CDH6: variants seen among roughly 807,000 people sequenced by gnomAD.
CDH6 encodes cadherin-6.
Under a neutral mutation model 78.0 loss-of-function variants are expected in CDH6, and 31 were observed. The observed-to-expected ratio is 0.40, with a 90% CI of 0.30 to 0.54. The LOEUF is 0.54. CDH6 is among the 20% of genes least tolerant of loss of function. The pLI is 0.56. For missense variants in CDH6, 724 were observed against 975.9 expected (o/e 0.74, Z 3.44); for synonymous variants, 376 against 368.8 (o/e 1.02, Z -0.23).
In CDH6 at chr5:31,312,152, T is replaced by C. The variant is rs147726165; in HGVS notation, c.1254-1166T>C. On this transcript the variant is annotated intron_variant, in intron 7 of 11. Coordinates refer to ENST00000265071, the MANE Select transcript of CDH6 (RefSeq NM_004932.4). ...TTTTTCTTCCTCCACTGGACATTGT[T>C]TTCTTAGACAGCTGAATAGGAAATC... 3.3e-5 allele frequency among the ~76,000 whole-genome samples: 5 copies of C among 152,318 alleles called. No homozygotes were observed. In the East Asian group the frequency reaches 9.6e-4, roughly 29 times the overall value.
intron 2 of CDH6, among the ~76,000 whole-genome samples, chr5:31,292,121 A>G (rs1233990877): frequency 6.6e-6 from 1 of 152,190 alleles, no homozygotes; most frequent in Non-Finnish European, 1.5e-5. Context: ...TTGGAAACAT[A>G]GCACGCACCG....
rs1738524761 is a variant in CDH6 at position 31,323,263 on chromosome 5, G to A, written c.2328G>A (p.Lys776=). The A allele has an allele frequency of 1.2e-6, 2 of 1,614,106 alleles. No individual in the cohort carries two copies. The highest frequency in any genetic ancestry group is 4.5e-5 in the East Asian group (2 of 44,880). Residue 776 remains lysine, a synonymous_variant, in exon 12 of 12, where the codon AAG becomes AAA. Coordinates refer to ENST00000265071, the MANE Select transcript of CDH6 (RefSeq NM_004932.4). ...YLSDWGPRFK[K]LADMYGGVDS... Reference sequence around the variant, plus strand: ...GTGACTGGGGACCTCGATTCAAAAAGCTTGCAGATATGTATGGAGGAGTGG... The same window carrying A: ...GTGACTGGGGACCTCGATTCAAAAAACTTGCAGATATGTATGGAGGAGTGG...
intron 6 of CDH6, among the ~76,000 whole-genome samples, chr5:31,304,203 C>G (rs1277094130): frequency 6.6e-6 from 1 of 151,932 alleles, no homozygotes; most frequent in African/African-American, 2.4e-5. Flanking sequence ...AAACTTTAAT[C>G]TGTGTTGTCT....
chr5:31,316,089 G>A (rs1723475431), intron 8 of CDH6, 119 bp from the exon 9 acceptor site: 2 of 1,092,384 alleles, frequency 1.8e-6, no homozygotes, highest in Middle Eastern at 2.1e-4. Context: ...ATGCCCAGTA[G>A]TACAGCAGCT....
At chr5:31,257,318 A>G (rs1211163345) in intron 1 of CDH6, among the ~76,000 whole-genome samples, 2 of 152,076 alleles carry the variant, frequency 1.3e-5, no homozygotes, top group Non-Finnish European at 2.9e-5. Flanking sequence ...GCCCGCCACC[A>G]CGCTCGGCTA....
At chr5:31,268,030 G>A (rs1467513218) in intron 2 of CDH6, among the ~76,000 whole-genome samples, 1 of 152,078 alleles carries the variant, frequency 6.6e-6, no homozygotes, top group Non-Finnish European at 1.5e-5. Flanking sequence ...ATTAAAAATC[G>A]GAATGGAGAG....
chr5:31,294,220 G>T lies in CDH6; in HGVS notation c.487G>T (p.Val163Phe), dbSNP rs746643442. The T allele has an allele frequency of 3.1e-6, 5 of 1,613,812 alleles. No homozygotes were observed. The highest frequency in any genetic ancestry group is 3.4e-6 in the Non-Finnish European group (4 of 1,179,866). The change falls in exon 3 of 12, where the codon GTT becomes TTT. Residue 163 changes from valine to phenylalanine, a missense_variant. Physicochemically the swap from Val to Phe is conservative, Grantham distance 50 (BLOSUM62 -1). Coordinates refer to ENST00000265071, the MANE Select transcript of CDH6 (RefSeq NM_004932.4). This position sits in a 1 kb window ranked among gnomAD's most constrained non-coding sequence, Gnocchi z 4.1. The stretch of plus-strand genomic sequence containing the variant: ...CAATGAACCAATATTCACCAAGGAG[G>T]TTTACACAGCCACTGTCCCTGAAAT... ...NDNEPIFTKE[V>F]YTATVPEMSD...
intron 2 of CDH6, among the ~76,000 whole-genome samples, chr5:31,292,844 TATGTGTGC>T (rs1287207402): frequency 7.4e-5 from 1 of 13,580 alleles, no homozygotes; most frequent in Admixed American, 5.9e-4. Context: ...TATATATATA[TATGTGTGC>T]ATATATATAT....
chr5:31,203,233 CT>C lies in CDH6; in HGVS notation c.-129+9359del, dbSNP rs10656122. 3.3e-3 allele frequency among the ~76,000 whole-genome samples: 419 copies of C among 127,208 alleles called. 5 individuals are homozygous for C. Among genetic ancestry groups the C allele is most frequent in the African/African-American group, 0.012 (376 of 31,414 alleles). The allele number at this position is 127,208 out of a possible 152,430, so 83.5% of individuals were successfully genotyped here. A position where few individuals can be genotyped will look rare whatever the true frequency, so the allele number is the denominator to read the frequency against. On this transcript the variant is annotated intron_variant, in intron 1 of 11. Transcript: ENST00000265071. The stretch of plus-strand genomic sequence containing the variant: ...GAGAGAGAGATGTTTCAGGCAGGTC[CT>C]TTTTTTTTTTTATTTATTTTTTATT...
At position 31,294,611 on chromosome 5, in the gene CDH6, A is replaced by G. The variant is rs1737530947; in HGVS notation, c.523+355A>G. On this transcript the variant is annotated intron_variant, in intron 3 of 11. Transcript: ENST00000265071. This position sits in a 1 kb window ranked among gnomAD's most constrained non-coding sequence, Gnocchi z 4.1. ...CCTATGTGGGTGTTAGGGTCCAAGT[A>G]ACAATCTCCCAAATAGAAAATAAAA... 6.6e-6 allele frequency among the ~76,000 whole-genome samples: 1 copy of G among 152,194 alleles called. No individual in the cohort carries two copies. Among genetic ancestry groups the G allele is most frequent in the Non-Finnish European group, 1.5e-5 (1 of 68,038 alleles).
In CDH6 at chr5:31,302,964, A is replaced by AAGG. The variant is rs1554010075; in HGVS notation, c.999+667_999+668insGGA. 1.5e-4 allele frequency among the ~76,000 whole-genome samples: 17 copies of AAGG among 111,750 alleles called. No individual in the cohort carries two copies. In the East Asian group the frequency reaches 2.5e-3, roughly 16 times the overall value. The allele number at this position is 111,750 out of a possible 152,430, so 73.3% of individuals were successfully genotyped here. A position where few individuals can be genotyped will look rare whatever the true frequency, so the allele number is the denominator to read the frequency against. ...GAAAGAAAGAAAGAAAGAAGGAAAG[A>AAGG]AAAGAAAGAAAGAAAGAAAGAAAAC... On this transcript the variant is annotated intron_variant, in intron 6 of 11. Coordinates refer to ENST00000265071, the MANE Select transcript of CDH6 (RefSeq NM_004932.4).
chr5:31,213,226 A>G (rs1740766035), intron 1 of CDH6, among the ~76,000 whole-genome samples: 1 of 152,232 alleles, frequency 6.6e-6, no homozygotes, highest in African/African-American at 2.4e-5. Context: ...TCAAACAATG[A>G]AAGCGCAGAA....
At chr5:31,320,441 C>G (rs1738450644) in intron 11 of CDH6, among the ~76,000 whole-genome samples, 1 of 152,124 alleles carries the variant, frequency 6.6e-6, no homozygotes, top group Admixed American at 6.5e-5. Context: ...CTGCCCCTTG[C>G]CTTACGTGAC....
At position 31,220,147 on chromosome 5, in the gene CDH6, A is replaced by G. The variant is rs112000281; in HGVS notation, c.-129+26261A>G. Among the ~76,000 whole-genome samples, 599 of 152,320 alleles carry G rather than the reference A, an allele frequency of 3.9e-3. 8 individuals carry two copies. The highest frequency in any genetic ancestry group is 0.013 in the African/African-American group (558 of 41,578). ...TATATTTTTCTGTGACACATCTTCCATGTTGGAGAGCATCAAAGCATCTTG... is the reference window on the plus strand; with the variant it reads ...TATATTTTTCTGTGACACATCTTCCGTGTTGGAGAGCATCAAAGCATCTTG... On this transcript the variant is annotated intron_variant, in intron 1 of 11. Transcript: ENST00000265071.
At position 31,313,303 on chromosome 5, in the gene CDH6, A is replaced by T. The variant is rs778739695; in HGVS notation, c.1254-15A>T. The T allele has an allele frequency of 3.3e-5, 53 of 1,604,962 alleles. No individual in the cohort carries two copies. The highest frequency in any genetic ancestry group is 1.8e-4 in the Admixed American group (11 of 59,780). On this transcript the variant is annotated splice_polypyrimidine_tract_variant and intron_variant, in intron 7 of 11. Transcript: ENST00000265071. The stretch of plus-strand genomic sequence containing the variant: ...AGAAAGAAAAGCCTTTCTTAATTCC[A>T]CTCTGCATTTTCAGGTACTCTGTAG...
chr5:31,222,726 A>G (rs1249306381), intron 1 of CDH6, among the ~76,000 whole-genome samples: 1 of 152,180 alleles, frequency 6.6e-6, no homozygotes, highest in Admixed American at 6.5e-5. Flanking sequence ...TTAAAGTAGA[A>G]TAATTCACTA....
At chr5:31,274,436 A>G (rs756100779) in intron 2 of CDH6, among the ~76,000 whole-genome samples, 8 of 152,206 alleles carry the variant, frequency 5.3e-5, no homozygotes, top group Non-Finnish European at 1.0e-4. Flanking sequence ...AGAAAGCCTC[A>G]CAAGGAACCG....
chr5:31,317,396 G>A lies in CDH6; in HGVS notation c.1534G>A (p.Val512Ile), dbSNP rs767199387. Residue 512 changes from valine (V) to isoleucine (I), a missense_variant, in exon 10 of 12, where the codon GTT becomes ATT. Coordinates refer to ENST00000265071, the MANE Select transcript of CDH6 (RefSeq NM_004932.4). ...TTAGTTGATTCAGACCCTGCATGCT[G>A]TTGACAAGGATGACCCTTATAGTGG... ...ADQLIQTLHA[V>I]DKDDPYSGHQ... 6 of 1,594,338 alleles carry A rather than the reference G, an allele frequency of 3.8e-6. No homozygotes were observed. The Admixed American group carries it at 1.0e-4, about 27-fold the overall frequency.
rs1443328260 is a variant in CDH6 at position 31,313,460 on chromosome 5, T to A, written c.1390+6T>A. The A allele has an allele frequency of 1.9e-6, 3 of 1,613,006 alleles. No homozygotes were observed. The highest frequency in any genetic ancestry group is 1.7e-6 in the Non-Finnish European group (2 of 1,179,204). ...AGTGATAGCAACAGAGATCAGTAAG[T>A]CCTACCTAATACCGCTGCTGTCCCC... On this transcript the variant is annotated splice_donor_region_variant and intron_variant, in intron 8 of 11. Coordinates refer to ENST00000265071, the MANE Select transcript of CDH6 (RefSeq NM_004932.4).
Sources: allele counts gnomAD v4.1 joint callset (sites outside exome capture counted in the v4.1 genomes callset), GRCh38; gene constraint gnomAD v4.1.1; non-coding constraint Gnocchi (gnomAD v3.1); transcripts MANE v1.5; gene names NCBI Gene and HGNC (gene_info 2026-07-23, HGNC 2026-07-21).